CHL1: variants seen among roughly 807,000 people sequenced by gnomAD.
CHL1 encodes the protein cell adhesion molecule L1 like.
CHL1 carries 96 observed loss-of-function variants against 141.9 expected under a neutral mutation model. The ratio of observed to expected loss-of-function variants is 0.68; its 90% CI spans 0.57 to 0.80. The LOEUF is 0.80. Ranked by LOEUF, CHL1 falls within the 30% of genes least tolerant of loss-of-function variation. The pLI is 0.00. For synonymous variants in CHL1, 613 were observed against 502.2 expected (o/e 1.22, Z -2.95); for missense variants, 1,820 against 1,457.2 (o/e 1.25, Z -4.05).
chr3:317,654 G>GAA (rs35799872), intron 2 of CHL1, among the ~76,000 whole-genome samples: 3,028 of 132,490 alleles, frequency 0.023, 98 homozygotes, highest in African/African-American at 0.075. Flanking sequence ...AACTGTTTCA[G>GAA]AAAAAAAAAA....
chr3:219,614 A>G (rs1288634048), intron 1 of CHL1, among the ~76,000 whole-genome samples: 2 of 152,342 alleles, frequency 1.3e-5, no homozygotes, highest in East Asian at 3.9e-4. Flanking sequence ...CAAATACTGC[A>G]TGTTCTCACT....
At chr3:354,844 T>C (rs994447857) in intron 11 of CHL1, 73 bp downstream of exon 11, 2 of 1,560,268 alleles carry the variant, frequency 1.3e-6, no homozygotes, top group Admixed American at 1.8e-5. Flanking sequence ...GTCAGACGTG[T>C]GTAAAATGAA....
chr3:272,246 C>T (rs1270661719), intron 2 of CHL1, among the ~76,000 whole-genome samples: 1 of 152,046 alleles, frequency 6.6e-6, no homozygotes, highest in Non-Finnish European at 1.5e-5. Flanking sequence ...TATTGGGGTG[C>T]CTACTCTGTG....
intron 2 of CHL1, among the ~76,000 whole-genome samples, chr3:311,217 A>G (rs1191320442): frequency 1.3e-5 from 2 of 152,108 alleles, no homozygotes; most frequent in Non-Finnish European, 2.9e-5. Context: ...TAAGTTTTCA[A>G]CTCCTTTGGG....
At chr3:359,981 TG>T (rs1349836933) in intron 11 of CHL1, among the ~76,000 whole-genome samples, 1 of 152,132 alleles carries the variant, frequency 6.6e-6, no homozygotes, top group Non-Finnish European at 1.5e-5. Context: ...TCATAGGTCT[TG>T]AATGCCTAAA....
At chr3:316,861 G>T (rs1435977552) in intron 2 of CHL1, among the ~76,000 whole-genome samples, 3 of 151,882 alleles carry the variant, frequency 2.0e-5, no homozygotes, top group Non-Finnish European at 4.4e-5. Context: ...TATCTTTGAG[G>T]TCTAGCATGA....
chr3:376,459 T>C (rs1050438990), intron 15 of CHL1: 4 of 509,160 alleles, frequency 7.9e-6, no homozygotes, highest in African/African-American at 7.8e-5. Context: ...TTTCGAGGAC[T>C]AGTGAGGCAC....
At chr3:221,857 T>C (rs536794810) in intron 1 of CHL1, among the ~76,000 whole-genome samples, 190 of 152,348 alleles carry the variant, frequency 1.2e-3, no homozygotes, top group African/African-American at 4.2e-3. Flanking sequence ...ATTGACTCAA[T>C]TTATAAAAAT....
chr3:260,965 C>T (rs1574892062), intron 2 of CHL1, among the ~76,000 whole-genome samples: 1 of 152,260 alleles, frequency 6.6e-6, no homozygotes, highest in East Asian at 1.9e-4. Context: ...ATTCCGTCGG[C>T]CTTATTTATT....
chr3:208,771 A>T (rs1183912095), intron 1 of CHL1, among the ~76,000 whole-genome samples: 1 of 152,186 alleles, frequency 6.6e-6, no homozygotes, highest in African/African-American at 2.4e-5. Flanking sequence ...CAGCTATCCC[A>T]TGTCCAAAAG....
chr3:341,129 T>G (rs972654379), intron 6 of CHL1, among the ~76,000 whole-genome samples: 4 of 152,346 alleles, frequency 2.6e-5, no homozygotes, highest in African/African-American at 9.6e-5. Flanking sequence ...ATATAGATCA[T>G]GTGAAAGCTG....
rs1025850500 is a variant in CHL1 at position 368,600 on chromosome 3, G to C, written c.1751+2485G>C. ...GTGCAGAAGTGCTTTAGTTTGATTA[G>C]ATCCCATTTGTAAATTCTGGCTTTT... On this transcript the variant is annotated intron_variant, in intron 15 of 27. Coordinates refer to ENST00000256509, the MANE Select transcript of CHL1 (RefSeq NM_006614.4). Among the ~76,000 whole-genome samples the C allele has an allele frequency of 2.6e-5, 4 of 152,240 alleles. No homozygotes were observed. In the East Asian group the frequency reaches 7.7e-4, roughly 29 times the overall value.
chr3:289,875 C>CA (rs1389130280), intron 2 of CHL1, among the ~76,000 whole-genome samples: 2 of 148,746 alleles, frequency 1.3e-5, no homozygotes, highest in African/African-American at 5.0e-5. Flanking sequence ...TCAAATATAC[C>CA]AAAAAAATGA....
chr3:350,839 T>C (rs1003778472), intron 10 of CHL1, among the ~76,000 whole-genome samples: 1 of 152,114 alleles, frequency 6.6e-6, no homozygotes. Flanking sequence ...TGCCAAACAG[T>C]GATATATTCC....
At chr3:207,864 A>T (rs1699574022) in intron 1 of CHL1, among the ~76,000 whole-genome samples, 1 of 152,142 alleles carries the variant, frequency 6.6e-6, no homozygotes, top group Non-Finnish European at 1.5e-5. Context: ...ATAGATTTTG[A>T]ACACAATTGA....
intron 2 of CHL1, among the ~76,000 whole-genome samples, chr3:256,921 CTG>C (rs1694230352): frequency 6.6e-6 from 1 of 152,182 alleles, no homozygotes; most frequent in Non-Finnish European, 1.5e-5. Context: ...AGACACGAGT[CTG>C]TGTATTTCTG....
chr3:342,461 G>T (rs759250652), intron 7 of CHL1, among the ~76,000 whole-genome samples: 2 of 152,130 alleles, frequency 1.3e-5, no homozygotes, highest in African/African-American at 2.4e-5. Context: ...GAGGCAAAAA[G>T]ATGGAAATTT....
chr3:259,164 G>A (rs1226517935), intron 2 of CHL1, among the ~76,000 whole-genome samples: 1 of 151,936 alleles, frequency 6.6e-6, no homozygotes, highest in Non-Finnish European at 1.5e-5. Context: ...CAAGTGATCT[G>A]CCCATTTCAG....
chr3:374,548 T>A (rs1400866227), intron 15 of CHL1, among the ~76,000 whole-genome samples: 2 of 152,178 alleles, frequency 1.3e-5, no homozygotes, highest in Non-Finnish European at 2.9e-5. Flanking sequence ...TGACCCAGTT[T>A]TACAGTTCCT....
Sources: gnomAD v4.1 joint callset for allele counts (sites outside exome capture counted in the v4.1 genomes callset) on GRCh38, gnomAD v4.1.1 for gene constraint, MANE v1.5 for transcripts, NCBI Gene and HGNC (gene_info 2026-07-23, HGNC 2026-07-21) for gene names.